Variants in SIPA1L2 observed in about 807,000 individuals in gnomAD.
The protein encoded by SIPA1L2 is signal-induced proliferation-associated 1-like protein 2.
A neutral mutation model predicts 163.9 loss-of-function variants in SIPA1L2; 56 were observed. The observed-to-expected ratio is 0.34, with a 90% CI of 0.28 to 0.43. The LOEUF is 0.43. Ranked by LOEUF, SIPA1L2 falls within the 20% of genes least tolerant of loss-of-function variation. The probability of loss-of-function intolerance (pLI) is 1.00; values close to 1 mark genes in which losing one functional copy is unlikely to be tolerated. For synonymous variants in SIPA1L2, 877 were observed against 865.7 expected (o/e 1.01, Z -0.23); for missense variants, 1,974 against 2,193.5 (o/e 0.90, Z 2.00).
chr1:232,448,470 A>G (rs958637919), intron 10 of SIPA1L2, among the ~76,000 whole-genome samples: 2 of 152,250 alleles, frequency 1.3e-5, no homozygotes, highest in Non-Finnish European at 2.9e-5. Context: ...CACTGTCAGC[A>G]TGGTATAGTA....
At chr1:232,424,419 C>T (rs190085708) in intron 18 of SIPA1L2, among the ~76,000 whole-genome samples, 194 of 147,334 alleles carry the variant, frequency 1.3e-3, no homozygotes, top group African/African-American at 4.2e-3. Flanking sequence ...ACACGTACCA[C>T]AGAGAGTTCA....
chr1:232,530,518 A>G (rs1447535435), intron 2 of SIPA1L2, among the ~76,000 whole-genome samples: 1 of 152,174 alleles, frequency 6.6e-6, no homozygotes, highest in Admixed American at 6.5e-5. Flanking sequence ...GTACAACTAG[A>G]AAGGGTTCTT....
At chr1:232,573,454 G>C (rs1396024400) in intron 2 of SIPA1L2, among the ~76,000 whole-genome samples, 1 of 152,152 alleles carries the variant, frequency 6.6e-6, no homozygotes, top group Non-Finnish European at 1.5e-5. Context: ...CCATGTGCCT[G>C]TGTGCATTGT....
intron 5 of SIPA1L2, among the ~76,000 whole-genome samples, 165 bp from the exon 6 acceptor site, chr1:232,484,131 CT>C (rs1665526215): frequency 6.6e-6 from 1 of 152,188 alleles, no homozygotes; most frequent in African/African-American, 2.4e-5. Context: ...GTGAAAGATG[CT>C]ACAAATAATA....
rs1166123560 is a variant in SIPA1L2, at chr1:232,441,856, A to C, written c.3450T>G (p.Pro1150=). ...CTGAGCCCTGGTGTTCGAGCAGTAG[A>C]GGGGACTGGCACCTGAAAAGAACAC... ...PQVGYDGCQS[P]LLLEHQGSGP... Residue 1150 remains proline, a synonymous_variant, in exon 13 of 23, where the codon CCT becomes CCG. Transcript: ENST00000674635. 6.2e-7 allele frequency: 1 copy of C among 1,612,278 alleles called. No individual in the cohort carries two copies. The highest frequency in any genetic ancestry group is 2.2e-5 in the East Asian group (1 of 44,860).
At chr1:232,479,104 T>C (rs1665189780) in intron 7 of SIPA1L2, among the ~76,000 whole-genome samples, 4 of 152,242 alleles carry the variant, frequency 2.6e-5, no homozygotes, top group Admixed American at 2.6e-4. Context: ...TCATTCAAGT[T>C]TTCAAAGGTT....
intron 19 of SIPA1L2, among the ~76,000 whole-genome samples, chr1:232,415,078 C>A (rs1161219314): frequency 1.3e-5 from 2 of 152,232 alleles, no homozygotes; most frequent in African/African-American, 4.8e-5. Flanking sequence ...GGTGAACAGA[C>A]TTCTCGGCCT....
chr1:232,520,413 T>C (rs999767455), intron 2 of SIPA1L2, among the ~76,000 whole-genome samples: 16 of 152,206 alleles, frequency 1.1e-4, no homozygotes, highest in Non-Finnish European at 1.2e-4. Flanking sequence ...CTAACTGTCT[T>C]GGTAATAATT....
At chr1:232,563,955 T>TG (rs1558270699) in intron 2 of SIPA1L2, among the ~76,000 whole-genome samples, 10 of 116,768 alleles carry the variant, frequency 8.6e-5, no homozygotes, top group South Asian at 5.9e-4. Flanking sequence ...TTTTTTTTTT[T>TG]CGTGTGTGTG....
chr1:232,461,932 C>A (rs973328321), intron 9 of SIPA1L2, among the ~76,000 whole-genome samples: 2 of 152,182 alleles, frequency 1.3e-5, no homozygotes, highest in African/African-American at 4.8e-5. Flanking sequence ...GCCATCTGTT[C>A]ACAAGGCAAG....
chr1:232,503,280 G>T (rs1666570014), intron 3 of SIPA1L2, among the ~76,000 whole-genome samples: 1 of 152,174 alleles, frequency 6.6e-6, no homozygotes, highest in South Asian at 2.1e-4. Flanking sequence ...GAGATTTAGT[G>T]CATTTCTGTG....
chr1:232,548,255 T>C (rs1453274790), intron 2 of SIPA1L2, among the ~76,000 whole-genome samples: 1 of 152,210 alleles, frequency 6.6e-6, no homozygotes, highest in African/African-American at 2.4e-5. Context: ...TCGAGAACTG[T>C]ATGGCTTTCT....
chr1:232,567,565 A>C (rs1276783275), intron 2 of SIPA1L2, among the ~76,000 whole-genome samples: 1 of 152,242 alleles, frequency 6.6e-6, no homozygotes, highest in Non-Finnish European at 1.5e-5. Context: ...CCAATAAAAA[A>C]AAATTTCCAA....
intron 2 of SIPA1L2, among the ~76,000 whole-genome samples, chr1:232,568,194 G>C (rs1052627952): frequency 6.6e-6 from 1 of 152,218 alleles, no homozygotes; most frequent in African/African-American, 2.4e-5. Flanking sequence ...CCCCAATCTA[G>C]TCAATCAGAA....
intron 18 of SIPA1L2, among the ~76,000 whole-genome samples, chr1:232,420,651 C>T (rs914518109): frequency 6.6e-5 from 10 of 151,872 alleles, no homozygotes; most frequent in South Asian, 2.1e-4. Flanking sequence ...CTGGCTAACA[C>T]GGTGAAACCC....
At chr1:232,620,179 G>A (rs114355351) in intron 1 of SIPA1L2, among the ~76,000 whole-genome samples, 2,201 of 152,212 alleles carry the variant, frequency 0.014, 21 homozygotes, top group Middle Eastern at 0.037. Context: ...CACCACGCCC[G>A]GCCAGATTTT....
intron 18 of SIPA1L2, among the ~76,000 whole-genome samples, chr1:232,424,033 C>G (rs1661731907): frequency 6.6e-6 from 1 of 152,148 alleles, no homozygotes; most frequent in South Asian, 2.1e-4. Flanking sequence ...AGTGTAACTA[C>G]TCTGAATGAT....
chr1:232,496,946 C>A (rs574489169), intron 3 of SIPA1L2, among the ~76,000 whole-genome samples: 11 of 152,130 alleles, frequency 7.2e-5, no homozygotes, highest in Non-Finnish European at 1.0e-4. Flanking sequence ...TTGATGAGCC[C>A]CATAACAAGA....
At position 232,515,149 on chromosome 1, in the gene SIPA1L2, G is replaced by A. The variant is rs749117335; in HGVS notation, c.191C>T (p.Pro64Leu). 21 of 1,613,778 alleles carry A rather than the reference G, an allele frequency of 1.3e-5. No individual in the cohort carries two copies. Among genetic ancestry groups the A allele is most frequent in the Middle Eastern group, 1.6e-4 (1 of 6,084 alleles). Residue 64 changes from proline (P) to leucine (L), a missense_variant, in exon 3 of 23, where the codon CCG (proline) becomes CTG (leucine). Around this residue, in one of 3 missense-constraint regions of SIPA1L2, gnomAD observed 607 missense variants for 624.0 expected, o/e 0.97. Coordinates refer to ENST00000674635, the MANE Select transcript of SIPA1L2 (RefSeq NM_020808.5). Reference protein sequence around the residue: ...SNSNETGGGGPANGTPAVPKM... With the variant: ...SNSNETGGGGLANGTPAVPKM... Reference sequence around the variant, plus strand: ...GGGCACAGCTGGGGTACCATTAGCCGGACCACCACCGCCAGTCTCATTGGA... The same window carrying A: ...GGGCACAGCTGGGGTACCATTAGCCAGACCACCACCGCCAGTCTCATTGGA...
Sources: gnomAD v4.1 joint callset for allele counts (sites outside exome capture counted in the v4.1 genomes callset) on GRCh38, gnomAD v4.1.1 for gene constraint, gnomAD v4.1.1 regional missense constraint, MANE v1.5 for transcripts, NCBI Gene and HGNC (gene_info 2026-07-23, HGNC 2026-07-21) for gene names.